The following SND1 variants were observed in gnomAD, a reference collection of about 807,000 sequenced individuals.
The protein encoded by SND1 is staphylococcal nuclease domain-containing protein 1.
Under a neutral mutation model 121.7 loss-of-function variants are expected in SND1, and 38 were observed. That is an observed-to-expected ratio of 0.31 (90% confidence interval 0.24 to 0.41). The LOEUF (loss-of-function observed/expected upper bound fraction) is 0.41. SND1 is among the 10% of genes least tolerant of loss of function. The pLI, the probability that SND1 is intolerant of heterozygous loss-of-function variation, is 1.00. For synonymous variants in SND1, 401 were observed against 447.4 expected (o/e 0.90, Z 1.31); for missense variants, 868 against 1,184.6 (o/e 0.73, Z 3.92).
intron 9 of SND1, among the ~76,000 whole-genome samples, chr7:127,716,299 T>C (rs1796388099): frequency 1.3e-5 from 2 of 152,190 alleles, no homozygotes; most frequent in Non-Finnish European, 2.9e-5. Flanking sequence ...CGCTTTTGGG[T>C]AGTATTGACA....
At chr7:127,838,687 A>G (rs1324415418) in intron 11 of SND1, among the ~76,000 whole-genome samples, 1 of 152,232 alleles carries the variant, frequency 6.6e-6, no homozygotes, top group Admixed American at 6.5e-5. Flanking sequence ...GAAGTACTAC[A>G]TATTTTTGTT....
intron 15 of SND1, among the ~76,000 whole-genome samples, chr7:127,989,001 AAG>A (rs1802459670): frequency 6.6e-6 from 1 of 152,272 alleles, no homozygotes; most frequent in African/African-American, 2.4e-5. Flanking sequence ...CAGATATAAA[AAG>A]AAAAGTGTTT....
intron 16 of SND1, among the ~76,000 whole-genome samples, chr7:128,026,091 T>C (rs766510231): frequency 1.3e-5 from 2 of 152,096 alleles, no homozygotes; most frequent in Non-Finnish European, 2.9e-5. Context: ...TCCTCCGCAA[T>C]TTCCTCTGAA....
intron 10 of SND1, among the ~76,000 whole-genome samples, chr7:127,723,582 A>C (rs1432378685): frequency 6.6e-6 from 1 of 152,192 alleles, no homozygotes; most frequent in Non-Finnish European, 1.5e-5. Flanking sequence ...AGTTAATATA[A>C]TGAACCTTGA....
Position 128,092,174 on chromosome 7 carries a change from T to C in SND1, c.*116T>C. 8.7e-7 allele frequency: 1 copy of C among 1,149,860 alleles called. No homozygotes were observed. The highest frequency in any genetic ancestry group is 1.3e-5 in the South Asian group (1 of 74,562). 71.2% of individuals were successfully genotyped at this position (1,149,860 alleles called of 1,614,324 possible). A position where few individuals can be genotyped will look rare whatever the true frequency, so the allele number is the denominator to read the frequency against. ...GGTTGTAGATTGGGTCCAGCTTTGC[T>C]TCAGTGTGTGGAAATGTCTCGTGGG... On this transcript the variant is annotated 3_prime_UTR_variant, in exon 24 of 24. Coordinates refer to ENST00000354725, the MANE Select transcript of SND1 (RefSeq NM_014390.4). This position sits in a 1 kb window ranked among gnomAD's most constrained non-coding sequence, Gnocchi z 4.9.
At chr7:127,799,950 C>A (rs993014251) in intron 10 of SND1, among the ~76,000 whole-genome samples, 1 of 152,182 alleles carries the variant, frequency 6.6e-6, no homozygotes, top group Admixed American at 6.5e-5. Context: ...CAATTTTAAA[C>A]CTTCCTCCTG....
chr7:127,815,181 C>T (rs1798412429), intron 11 of SND1, among the ~76,000 whole-genome samples: 6 of 152,124 alleles, frequency 3.9e-5, no homozygotes, highest in Non-Finnish European at 8.8e-5. Context: ...TGGGGTTGCA[C>T]AGCATCTCCC....
intron 16 of SND1, among the ~76,000 whole-genome samples, chr7:128,036,980 T>G (rs1792762105): frequency 6.6e-6 from 1 of 152,188 alleles, no homozygotes; most frequent in Non-Finnish European, 1.5e-5. Flanking sequence ...ACATATTTAC[T>G]CCTCACAACA....
intron 14 of SND1, among the ~76,000 whole-genome samples, chr7:127,923,986 C>T (rs1800779221): frequency 1.4e-5 from 2 of 147,022 alleles, no homozygotes; most frequent in South Asian, 4.3e-4. Context: ...GATCTCCACA[C>T]TTTTTTTTTT....
chr7:127,701,035 G>A, intron 4 of SND1, 128 bp from the exon 5 acceptor site: 1 of 986,828 alleles, frequency 1.0e-6, no homozygotes, highest in Non-Finnish European at 1.5e-6. Flanking sequence ...TGGGTCTTAA[G>A]CCATAGATCT....
At chr7:127,717,908 G>A (rs187651254) in intron 9 of SND1, among the ~76,000 whole-genome samples, 7 of 152,272 alleles carry the variant, frequency 4.6e-5, no homozygotes, top group East Asian at 1.9e-4. Context: ...CCCAGTGAGC[G>A]CTGTGGATGG....
At chr7:127,868,878 G>T (rs1266436469) in intron 12 of SND1, among the ~76,000 whole-genome samples, 1 of 151,728 alleles carries the variant, frequency 6.6e-6, no homozygotes, top group Non-Finnish European at 1.5e-5. Context: ...TCCATCTCTA[G>T]TCAACAGCTT....
intron 13 of SND1, among the ~76,000 whole-genome samples, chr7:127,889,717 T>A (rs1187513970): frequency 1.4e-4 from 22 of 152,074 alleles, no homozygotes; most frequent in Admixed American, 1.4e-3. Flanking sequence ...ACTCTGTGTT[T>A]CCATGAGTTC....
At chr7:127,664,619 G>C (rs1587578339) in intron 1 of SND1, among the ~76,000 whole-genome samples, 1 of 152,166 alleles carries the variant, frequency 6.6e-6, no homozygotes, top group Non-Finnish European at 1.5e-5. Context: ...CCAGAGTTCT[G>C]TGAGCTATTC....
intron 10 of SND1, among the ~76,000 whole-genome samples, chr7:127,726,222 G>T (rs898636770): frequency 6.6e-6 from 1 of 152,168 alleles, no homozygotes; most frequent in Non-Finnish European, 1.5e-5. Context: ...CTGGATTTTG[G>T]TTGGAGCTTG....
At chr7:128,048,915 C>T (rs551785017) in intron 16 of SND1, among the ~76,000 whole-genome samples, 1 of 152,306 alleles carries the variant, frequency 6.6e-6, no homozygotes, top group South Asian at 2.1e-4. Context: ...GTTTACAGCT[C>T]CTTCTTCCAG....
intron 12 of SND1, among the ~76,000 whole-genome samples, chr7:127,860,301 C>T (rs1324403197): frequency 6.6e-6 from 1 of 152,212 alleles, no homozygotes; most frequent in African/African-American, 2.4e-5. Context: ...AATGAAGCCA[C>T]AAGTTTCCTG....
chr7:127,878,448 G>A (rs1181392204), intron 12 of SND1, among the ~76,000 whole-genome samples: 1 of 152,170 alleles, frequency 6.6e-6, no homozygotes, highest in Admixed American at 6.5e-5. Context: ...AGCTGTGCTG[G>A]TGGGTTGTCA....
At chr7:128,072,999 G>T (rs946510213) in intron 16 of SND1, among the ~76,000 whole-genome samples, 1 of 152,184 alleles carries the variant, frequency 6.6e-6, no homozygotes, top group Non-Finnish European at 1.5e-5. Flanking sequence ...CAGCACTTAC[G>T]CCCAGACTCT....
Sources: gnomAD v4.1 joint callset for allele counts (sites outside exome capture counted in the v4.1 genomes callset) on GRCh38, gnomAD v4.1.1 for gene constraint, Gnocchi (gnomAD v3.1) non-coding constraint, MANE v1.5 for transcripts, NCBI Gene and HGNC (gene_info 2026-07-23, HGNC 2026-07-21) for gene names.